The following AFAP1 variants were observed in gnomAD, a reference collection of about 807,000 sequenced individuals.
The protein encoded by AFAP1 is actin filament associated protein 1, also known as actin filament-associated protein 1.
Under a neutral mutation model 93.9 loss-of-function variants are expected in AFAP1, and 75 were observed. The ratio of observed to expected loss-of-function variants is 0.80; its 90% CI spans 0.66 to 0.97. The LOEUF is 0.97. AFAP1 is among the 50% of genes least tolerant of loss of function. The pLI is 0.00. For synonymous variants in AFAP1, 517 were observed against 430.7 expected (o/e 1.20, Z -2.48); for missense variants, 1,201 against 1,050.8 (o/e 1.14, Z -1.98).
At chr4:7,908,467 T>G (rs13115283) in intron 1 of AFAP1, among the ~76,000 whole-genome samples, 48,842 of 152,096 alleles carry the variant, frequency 0.32, 8,259 homozygotes, top group South Asian at 0.42. Context: ...GTTACTAAGA[T>G]ATTTTAAACT....
intron 13 of AFAP1, among the ~76,000 whole-genome samples, chr4:7,781,147 G>T (rs550899811): frequency 5.3e-4 from 81 of 152,140 alleles, no homozygotes; most frequent in Non-Finnish European, 9.7e-4. Context: ...AGAACAGAAA[G>T]AGAGCCAGAT....
chr4:7,815,745 A>G (rs892402865), intron 8 of AFAP1, among the ~76,000 whole-genome samples: 5 of 152,212 alleles, frequency 3.3e-5, no homozygotes, highest in East Asian at 1.9e-4. Context: ...GCTGTGAGTC[A>G]TAAGTTCAAA....
intron 1 of AFAP1, among the ~76,000 whole-genome samples, chr4:7,933,873 C>T (rs1316732764): frequency 2.0e-5 from 3 of 152,230 alleles, no homozygotes; most frequent in East Asian, 3.8e-4. Context: ...GTGACACCCA[C>T]GTCAGACTTC....
intron 4 of AFAP1, among the ~76,000 whole-genome samples, chr4:7,850,063 A>C (rs1370704783): frequency 6.6e-6 from 1 of 152,182 alleles, no homozygotes; most frequent in African/African-American, 2.4e-5. Context: ...ATGGGATGCC[A>C]CGAGAAGGTT....
At chr4:7,798,471 C>G (rs1190635121) in intron 10 of AFAP1, among the ~76,000 whole-genome samples, 2 of 111,056 alleles carry the variant, frequency 1.8e-5, no homozygotes, top group Non-Finnish European at 4.1e-5. Context: ...GGCATTGCAA[C>G]TCTATTGGCT....
At chr4:7,837,490 C>A (rs1712448216) in intron 6 of AFAP1, among the ~76,000 whole-genome samples, 1 of 152,136 alleles carries the variant, frequency 6.6e-6, no homozygotes, top group South Asian at 2.1e-4. Context: ...ATAGAACGGT[C>A]CCTTGATCTT....
At position 7,773,030 on chromosome 4, in the gene AFAP1, C is replaced by G. The variant is rs762978951; in HGVS notation, c.2063-20G>C. On this transcript the variant is annotated intron_variant, in intron 15 of 17. Transcript: ENST00000420658. Reference sequence around the variant, plus strand: ...TCCTGCCTGGAATTCCCAGAAACGCCGTTACTCCCGCGGCAGGCACAGGTT... The same window carrying G: ...TCCTGCCTGGAATTCCCAGAAACGCGGTTACTCCCGCGGCAGGCACAGGTT... 1.1e-5 allele frequency: 17 copies of G among 1,601,342 alleles called. No individual in the cohort carries two copies. In the African/African-American group the frequency reaches 1.5e-4, roughly 14 times the overall value.
At chr4:7,929,951 A>T (rs889571844) in intron 1 of AFAP1, among the ~76,000 whole-genome samples, 2 of 152,200 alleles carry the variant, frequency 1.3e-5, no homozygotes, top group African/African-American at 2.4e-5. Context: ...AAATCCTAAC[A>T]AATAAAGAGG....
Position 7,816,035 on chromosome 4 carries a change from C to T in AFAP1, c.887G>A (p.Cys296Tyr), listed in dbSNP as rs778116222. 17 of 1,612,262 alleles carry T rather than the reference C, an allele frequency of 1.1e-5. No homozygotes were observed. The highest frequency in any genetic ancestry group is 1.3e-5 in the Non-Finnish European group (15 of 1,179,334). The change falls in exon 8 of 18, where the codon TGT (cysteine) becomes TAT (tyrosine). Residue 296 changes from cysteine (C) to tyrosine (Y), a missense_variant. By Grantham distance (194) the Cys-to-Tyr change is radical (BLOSUM62 -2). Coordinates refer to ENST00000420658, the MANE Select transcript of AFAP1 (RefSeq NM_001134647.2). ...EGVVENGITT[C>Y]NGKEQVKRKK... ...GAACTCACCTTGCTCCTTTCCATTA[C>T]ATGTGGTAATTCCATTTTCCACAAC...
chr4:7,901,862 G>A (rs188238868), intron 1 of AFAP1, among the ~76,000 whole-genome samples: 8 of 152,180 alleles, frequency 5.3e-5, no homozygotes, highest in East Asian at 3.9e-4. Flanking sequence ...TCATATCTAC[G>A]TGATCATCTA....
chr4:7,787,440 A>G (rs1717405280), intron 11 of AFAP1, among the ~76,000 whole-genome samples: 1 of 152,094 alleles, frequency 6.6e-6, no homozygotes, highest in South Asian at 2.1e-4. Flanking sequence ...CTCACAACCT[A>G]TTGGTTAGAC....
intron 4 of AFAP1, 79 bp from the exon 5 acceptor site, chr4:7,843,429 T>C (rs2149116511): frequency 1.5e-6 from 2 of 1,296,666 alleles, no homozygotes; most frequent in South Asian, 3.0e-5. Context: ...GCACGTCCTC[T>C]TATTTTTAAT....
rs1717564358 is a variant in AFAP1, at chr4:7,877,232, G to A, written c.-2-5152C>T. ...CATTCTGCACAGAAAGCATGCAAAG[G>A]TTTTCAAATGAGTGACTTCCACAGG... On this transcript the variant is annotated intron_variant, in intron 1 of 17. Coordinates refer to ENST00000420658, the MANE Select transcript of AFAP1 (RefSeq NM_001134647.2). Among the ~76,000 whole-genome samples the A allele has an allele frequency of 2.0e-5, 3 of 152,272 alleles. No individual in the cohort carries two copies. In the South Asian group the frequency reaches 6.2e-4, roughly 32 times the overall value.
At chr4:7,799,437 C>T (rs1010110656) in intron 10 of AFAP1, among the ~76,000 whole-genome samples, 2 of 152,142 alleles carry the variant, frequency 1.3e-5, no homozygotes, top group African/African-American at 4.8e-5. Context: ...TGGCTTAGGT[C>T]GCAGCCCCAG....
At chr4:7,911,619 GGAGTTTCT>G (rs1418670812) in intron 1 of AFAP1, among the ~76,000 whole-genome samples, 4 of 152,152 alleles carry the variant, frequency 2.6e-5, no homozygotes, top group South Asian at 4.1e-4. Context: ...TTTAAGAAAT[GGAGTTTCT>G]GAGTTTATGA....
chr4:7,904,511 G>C (rs1719290903), intron 1 of AFAP1, among the ~76,000 whole-genome samples: 1 of 152,114 alleles, frequency 6.6e-6, no homozygotes, highest in South Asian at 2.1e-4. Flanking sequence ...GAGGTGCCAG[G>C]CTCTGAGTTT....
intron 1 of AFAP1, among the ~76,000 whole-genome samples, chr4:7,888,084 C>T (rs1718235276): frequency 6.6e-6 from 1 of 152,224 alleles, no homozygotes; most frequent in Non-Finnish European, 1.5e-5. Context: ...ACCTCGGCCT[C>T]ACAAAGTGCT....
At position 7,774,762 on chromosome 4, in the gene AFAP1, C is replaced by G. The variant is rs780039282; in HGVS notation, c.2039G>C (p.Arg680Pro). ...AQLRKERKDL[R>P]AAIEVNAGRK... is the part of the protein sequence containing the mutation. Reference sequence around the variant, plus strand: ...ACCGGCGTTCACTTCAATAGCCGCTCGAAGGTCTTTTCTTTCCTTGCGGAG... The same window carrying G: ...ACCGGCGTTCACTTCAATAGCCGCTGGAAGGTCTTTTCTTTCCTTGCGGAG... The change falls in exon 15 of 18, where the codon CGA becomes CCA. Residue 680 changes from arginine (R) to proline (P), a missense_variant. Physicochemically the swap from Arg to Pro is moderately radical, Grantham distance 103. Transcript: ENST00000420658. The G allele has an allele frequency of 6.2e-7, 1 of 1,614,210 alleles. No homozygotes were observed. Among genetic ancestry groups the G allele is most frequent in the Non-Finnish European group, 8.5e-7 (1 of 1,180,036 alleles).
At chr4:7,868,962 A>T (rs1373141467) in intron 2 of AFAP1, among the ~76,000 whole-genome samples, 1 of 151,706 alleles carries the variant, frequency 6.6e-6, no homozygotes, top group Non-Finnish European at 1.5e-5. Context: ...AAAGGGAAAG[A>T]AAAGAGAAAA....
Sources: gnomAD v4.1 joint callset for allele counts (sites outside exome capture counted in the v4.1 genomes callset) on GRCh38, gnomAD v4.1.1 for gene constraint, MANE v1.5 for transcripts, NCBI Gene and HGNC (gene_info 2026-07-23, HGNC 2026-07-21) for gene names.